The following KCNMB4 variants were observed in gnomAD, a reference collection of about 807,000 sequenced individuals.
KCNMB4 encodes the protein calcium-activated potassium channel subunit beta-4.
In KCNMB4, 3 loss-of-function variants were observed where a neutral mutation model predicts 20.7. That is an observed-to-expected ratio of 0.14 (90% CI 0.07 to 0.37). The LOEUF is 0.37. KCNMB4 is among the 10% of genes least tolerant of loss of function. KCNMB4 has a pLI of 1.00. For missense variants in KCNMB4, 168 were observed against 265.9 expected, an observed-to-expected ratio of 0.63 and a Z score of 2.56; for synonymous variants, 110 against 113.4, an observed-to-expected ratio of 0.97 and a Z score of 0.19.
chr12:70,412,853 A>G (rs1283811853), intron 2 of KCNMB4, among the ~76,000 whole-genome samples: 3 of 152,326 alleles, frequency 2.0e-5, no homozygotes, highest in Admixed American at 2.0e-4. Context: ...TTCTACTCTG[A>G]GAAGTATTTC....
intron 2 of KCNMB4, among the ~76,000 whole-genome samples, chr12:70,429,897 C>G (rs1869313730): frequency 6.6e-6 from 1 of 152,034 alleles, no homozygotes; most frequent in Non-Finnish European, 1.5e-5. Flanking sequence ...CTAATTTCAC[C>G]CAGAAGCATG....
chr12:70,394,616 T>C (rs900046131), intron 1 of KCNMB4, among the ~76,000 whole-genome samples: 7 of 152,202 alleles, frequency 4.6e-5, no homozygotes, highest in Admixed American at 2.6e-4. Context: ...TGTGTGTGTG[T>C]GCGCGCCCAT....
chr12:70,411,456 T>G (rs1868773896), intron 2 of KCNMB4, among the ~76,000 whole-genome samples: 1 of 152,196 alleles, frequency 6.6e-6, no homozygotes, highest in Non-Finnish European at 1.5e-5. Context: ...TTTTATTAGT[T>G]TTTATTCAAC....
intron 1 of KCNMB4, among the ~76,000 whole-genome samples, chr12:70,378,198 T>C (rs969182421): frequency 1.3e-5 from 2 of 151,970 alleles, no homozygotes; most frequent in African/African-American, 4.8e-5. Context: ...TCAAATGATC[T>C]GCCTGCCTTG....
chr12:70,374,009 A>T (rs1321411348), intron 1 of KCNMB4, among the ~76,000 whole-genome samples: 2 of 152,184 alleles, frequency 1.3e-5, no homozygotes, highest in African/African-American at 2.4e-5. Context: ...AAAGCAATCT[A>T]ATCTGCAGGA....
At chr12:70,368,150 C>A (rs1298693438) in intron 1 of KCNMB4, among the ~76,000 whole-genome samples, 1 of 151,888 alleles carries the variant, frequency 6.6e-6, no homozygotes, top group Non-Finnish European at 1.5e-5. Flanking sequence ...GAAAAACAGT[C>A]CAAAAGGGAA....
chr12:70,371,541 A>G (rs1365021497), intron 1 of KCNMB4, among the ~76,000 whole-genome samples: 2 of 152,248 alleles, frequency 1.3e-5, no homozygotes, highest in African/African-American at 2.4e-5. Flanking sequence ...ATAAAAGGCT[A>G]AGCAGAATTG....
chr12:70,403,350 T>TAGCGA lies in KCNMB4; in HGVS notation c.464+3014_464+3015insAGCGA, dbSNP rs1406701457. On this transcript the variant is annotated intron_variant, in intron 2 of 2. Coordinates refer to ENST00000258111, the MANE Select transcript of KCNMB4 (RefSeq NM_014505.6). ...TATTTTATTTTCTTTTTGTTTTGTT[T>TAGCGA]GAGTAGGAGTCTCGCTCTGTCACTC... is the stretch of plus-strand genomic sequence containing the variant. Among the ~76,000 whole-genome samples the TAGCGA allele has an allele frequency of 1.2e-3, 176 of 152,300 alleles. 2 individuals are homozygous for TAGCGA. The highest frequency in any genetic ancestry group is 4.1e-4 in the South Asian group (2 of 4,820).
chr12:70,396,861 A>C (rs559743274), intron 1 of KCNMB4, among the ~76,000 whole-genome samples: 2 of 152,266 alleles, frequency 1.3e-5, no homozygotes, highest in African/African-American at 4.8e-5. Flanking sequence ...GTGTGACTGG[A>C]TTCTCGAGTT....
chr12:70,428,999 CTG>C (rs1471322837), intron 2 of KCNMB4, among the ~76,000 whole-genome samples: 2 of 152,180 alleles, frequency 1.3e-5, no homozygotes, highest in African/African-American at 2.4e-5. Context: ...TGAAATTACA[CTG>C]TGCATCAAAG....
At chr12:70,370,893 G>A (rs1208786990) in intron 1 of KCNMB4, among the ~76,000 whole-genome samples, 1 of 152,000 alleles carries the variant, frequency 6.6e-6, no homozygotes, top group Non-Finnish European at 1.5e-5. Flanking sequence ...GTCTCATTCT[G>A]TTGTCCAGGC....
intron 1 of KCNMB4, among the ~76,000 whole-genome samples, chr12:70,369,421 C>G (rs1883551978): frequency 6.6e-6 from 1 of 152,206 alleles, no homozygotes; most frequent in African/African-American, 2.4e-5. Flanking sequence ...TTCCTGTTGG[C>G]TCTTGGCTGC....
intron 2 of KCNMB4, among the ~76,000 whole-genome samples, chr12:70,427,194 A>G (rs1869238011): frequency 6.6e-6 from 1 of 152,220 alleles, no homozygotes; most frequent in East Asian, 1.9e-4. Context: ...TTCTAAGCCC[A>G]AACCCCTTTG....
At chr12:70,425,643 T>C (rs1242655763) in intron 2 of KCNMB4, among the ~76,000 whole-genome samples, 2 of 152,190 alleles carry the variant, frequency 1.3e-5, no homozygotes, top group African/African-American at 2.4e-5. Flanking sequence ...TCAAGCAAAG[T>C]TATCTGGGAA....
chr12:70,402,654 C>CAAAAAAAAAAAAAAAAAAAAAGAAAA (rs1868486758), intron 2 of KCNMB4, among the ~76,000 whole-genome samples: 1 of 75,108 alleles, frequency 1.3e-5, no homozygotes, highest in Non-Finnish European at 2.5e-5. Context: ...GACCCTGCCT[C>CAAAAAAAAAAAAAAAAAAAAAGAAAA]AAAAAAAAAA....
chr12:70,373,098 A>G lies in KCNMB4; in HGVS notation c.336+6028A>G, dbSNP rs771470466. The stretch of plus-strand genomic sequence containing the variant: ...AAGGCTGGAGAGTAAATTCGAGCCC[A>G]CAGTGTAGAAGACCCAGGCAGCCAG... On this transcript the variant is annotated intron_variant, in intron 1 of 2. Transcript: ENST00000258111. Among the ~76,000 whole-genome samples, 124 of 152,180 alleles carry G rather than the reference A, an allele frequency of 8.1e-4. 2 individuals are homozygous for G. The highest frequency in any genetic ancestry group is 8.5e-4 in the Non-Finnish European group (58 of 68,042).
intron 1 of KCNMB4, among the ~76,000 whole-genome samples, chr12:70,367,310 T>G (rs1404260174): frequency 2.0e-5 from 3 of 152,248 alleles, no homozygotes; most frequent in Non-Finnish European, 4.4e-5. Flanking sequence ...AAACCTGTCT[T>G]GCCTGGTCTC....
At chr12:70,384,726 A>AT (rs778010632) in intron 1 of KCNMB4, among the ~76,000 whole-genome samples, 18 of 151,464 alleles carry the variant, frequency 1.2e-4, no homozygotes, top group Non-Finnish European at 2.1e-4. Context: ...TTCTAAAACA[A>AT]TTTTTTTTTA....
rs1240383534 is a variant in KCNMB4 at position 70,432,764 on chromosome 12, G to T, written c.*2111G>T. Reference sequence around the variant, plus strand: ...AGCATAGAGTAACACGAAACTGGGAGTCCGAGAAATAATCATCTCTGCATC... The same window carrying T: ...AGCATAGAGTAACACGAAACTGGGATTCCGAGAAATAATCATCTCTGCATC... On this transcript the variant is annotated 3_prime_UTR_variant, in exon 3 of 3. Coordinates refer to ENST00000258111, the MANE Select transcript of KCNMB4 (RefSeq NM_014505.6). 1.3e-5 allele frequency: 2 copies of T among 152,166 alleles called. No individual in the cohort carries two copies. The highest frequency in any genetic ancestry group is 2.9e-5 in the Non-Finnish European group (2 of 68,042). The allele number at this position is 152,166 out of a possible 1,614,324, so 9.4% of individuals were successfully genotyped here.
Sources: allele counts gnomAD v4.1 joint callset (sites outside exome capture counted in the v4.1 genomes callset), GRCh38; gene constraint gnomAD v4.1.1; transcripts MANE v1.5; gene names NCBI Gene and HGNC (gene_info 2026-07-23, HGNC 2026-07-21).